Variants in FRMPD4 observed in about 807,000 individuals in gnomAD.
FRMPD4 encodes the protein FERM and PDZ domain-containing protein 4.
Under a neutral mutation model 94.1 loss-of-function variants are expected in FRMPD4, and 22 were observed. The ratio of observed to expected loss-of-function variants is 0.23; its 90% confidence interval spans 0.17 to 0.33. The LOEUF is 0.33. Among genes scored for constraint, FRMPD4 ranks in the 10% least tolerant of loss-of-function variants. FRMPD4 has a pLI of 1.00. For synonymous variants in FRMPD4, 631 were observed against 548.6 expected (o/e 1.15, Z -2.10); for missense variants, 1,111 against 1,339.9 (o/e 0.83, Z 2.67).
chrX:12,098,998 G>T (rs1278984247), intron 3 of FRMPD4, among the ~76,000 whole-genome samples: 2 of 99,148 alleles, frequency 2.0e-5, no homozygotes, highest in East Asian at 6.6e-4. Context: ...TCACTCATAG[G>T]TGGGAATTGA....
intron 1 of FRMPD4, among the ~76,000 whole-genome samples, chrX:12,459,148 A>G (rs1343830415): frequency 9.0e-6 from 1 of 110,759 alleles, no homozygotes; most frequent in African/African-American, 3.3e-5. Flanking sequence ...GCTCTCAGGG[A>G]GTAGCCTCAA....
intron 1 of FRMPD4, among the ~76,000 whole-genome samples, chrX:12,339,792 T>C (rs1284495280): frequency 1.8e-5 from 2 of 111,177 alleles, no homozygotes; most frequent in Non-Finnish European, 3.8e-5. Flanking sequence ...AATTTTTACA[T>C]TTTTAGTAGA....
intron 2 of FRMPD4, among the ~76,000 whole-genome samples, chrX:12,543,073 T>C (rs1430205069): frequency 8.9e-6 from 1 of 111,850 alleles, no homozygotes; most frequent in Non-Finnish European, 1.9e-5. Context: ...CCTTACACCT[T>C]GTACAAAAAT....
intron 3 of FRMPD4, among the ~76,000 whole-genome samples, chrX:11,922,981 G>A (rs2054066509): frequency 8.9e-6 from 1 of 112,572 alleles, no homozygotes; most frequent in East Asian, 2.8e-4. Context: ...CAGGTGCTCT[G>A]GGGACCCACA....
At chrX:12,541,637 T>A (rs967345767) in intron 2 of FRMPD4, among the ~76,000 whole-genome samples, 21 of 111,699 alleles carry the variant, frequency 1.9e-4, no homozygotes, top group African/African-American at 6.2e-4. Context: ...CCAGATGGAT[T>A]CACAGCCGAA....
intron 13 of FRMPD4, among the ~76,000 whole-genome samples, chrX:12,708,352 C>T (rs754984733): frequency 6.4e-5 from 7 of 109,510 alleles, no homozygotes; most frequent in African/African-American, 2.0e-4. Flanking sequence ...CACCTGTAAT[C>T]CCAGCTACTC....
At chrX:12,277,724 T>G (rs940893432) in intron 1 of FRMPD4, among the ~76,000 whole-genome samples, 1 of 112,170 alleles carries the variant, frequency 8.9e-6, no homozygotes, top group African/African-American at 3.2e-5. Flanking sequence ...ATATTTTGGG[T>G]AGCATATTTT....
chrX:12,472,945 T>C (rs1262283908), intron 1 of FRMPD4, among the ~76,000 whole-genome samples: 1 of 109,097 alleles, frequency 9.2e-6, no homozygotes, highest in Non-Finnish European at 1.9e-5. Flanking sequence ...AACATTCGGA[T>C]TCAGGAAATA....
intron 1 of FRMPD4, among the ~76,000 whole-genome samples, chrX:12,274,825 T>C (rs973050016): frequency 1.3e-4 from 15 of 111,947 alleles, no homozygotes; most frequent in Admixed American, 1.2e-3. Context: ...CTGGCTAACA[T>C]GGTGAAACCC....
At chrX:11,998,755 G>T (rs860759) in intron 3 of FRMPD4, among the ~76,000 whole-genome samples, 10,237 of 111,274 alleles carry the variant, frequency 0.092, 488 homozygotes, top group African/African-American at 0.17. Context: ...ATAAATTATT[G>T]TTTTCATTAG....
chrX:12,435,692 G>A (rs1213056015), intron 1 of FRMPD4, among the ~76,000 whole-genome samples: 1 of 111,400 alleles, frequency 9.0e-6, no homozygotes, highest in East Asian at 2.8e-4. Context: ...TTGTTTTTGT[G>A]GTTATGCTAG....
intron 3 of FRMPD4, among the ~76,000 whole-genome samples, chrX:11,885,189 T>C (rs946945263): frequency 4.3e-4 from 48 of 112,195 alleles, no homozygotes; most frequent in African/African-American, 1.5e-3. Flanking sequence ...TGGAATATTA[T>C]TCAGCCATTA....
At chrX:12,356,767 A>G (rs1160856213) in intron 1 of FRMPD4, among the ~76,000 whole-genome samples, 3 of 112,311 alleles carry the variant, frequency 2.7e-5, no homozygotes, top group African/African-American at 9.7e-5. Context: ...TATTAAAAAA[A>G]GCATAGCCAC....
At chrX:11,979,470 G>A (rs1052476882) in intron 3 of FRMPD4, among the ~76,000 whole-genome samples, 13 of 111,912 alleles carry the variant, frequency 1.2e-4, no homozygotes, top group African/African-American at 3.6e-4. Context: ...GCCAAGTAGC[G>A]GTGTTCATTT....
At chrX:12,286,702 A>G (rs1285063089) in intron 1 of FRMPD4, among the ~76,000 whole-genome samples, 3 of 111,962 alleles carry the variant, frequency 2.7e-5, no homozygotes, top group African/African-American at 9.7e-5. Flanking sequence ...TTGGAAATTC[A>G]TGTGTCACTG....
intron 1 of FRMPD4, among the ~76,000 whole-genome samples, chrX:12,403,373 C>T (rs2056629795): frequency 2.1e-5 from 2 of 97,537 alleles, no homozygotes; most frequent in African/African-American, 1.1e-4. Flanking sequence ...ACACTTTTTT[C>T]CCCTCAAATC....
intron 1 of FRMPD4, among the ~76,000 whole-genome samples, chrX:12,289,864 T>A (rs772068224): frequency 6.4e-4 from 72 of 111,998 alleles, no homozygotes; most frequent in African/African-American, 2.3e-3. Context: ...ATACAGTATT[T>A]CCTGAGAGGG....
chrX:11,871,039 T>C (rs2053753472), intron 2 of FRMPD4, among the ~76,000 whole-genome samples: 1 of 112,741 alleles, frequency 8.9e-6, no homozygotes, highest in Non-Finnish European at 1.9e-5. Flanking sequence ...TGCAAGCACC[T>C]ATGGCTTTGC....
intron 1 of FRMPD4, chrX:12,373,215 C>CTT (rs766891625): frequency 8.9e-6 from 1 of 112,445 alleles, no homozygotes; most frequent in Non-Finnish European, 1.9e-5. Flanking sequence ...TGTGTTCTCT[C>CTT]GATTGAAGTT....
Sources: allele counts gnomAD v4.1 joint callset (sites outside exome capture counted in the v4.1 genomes callset), GRCh38; gene constraint gnomAD v4.1.1; transcripts MANE v1.5; gene names NCBI Gene and HGNC (gene_info 2026-07-23, HGNC 2026-07-21).